TEX26: variants seen among roughly 807,000 people sequenced by gnomAD.
TEX26 encodes testis-expressed protein 26.
Under a neutral mutation model 35.3 loss-of-function variants are expected in TEX26, and 34 were observed. The observed-to-expected ratio is 0.96, with a 90% CI of 0.73 to 1.28. The LOEUF is 1.28. Ranked by LOEUF, TEX26 falls within the 50% of genes most tolerant of loss-of-function variation. TEX26 has a pLI of 0.00. For missense variants in TEX26, 371 were observed against 330.1 expected, an observed-to-expected ratio of 1.12 and a Z score of -0.96; for synonymous variants, 136 against 111.8, an observed-to-expected ratio of 1.22 and a Z score of -1.36.
chr13:30,964,731 A>G lies in TEX26; in HGVS notation c.470-1491A>G, dbSNP rs146792172. Among the ~76,000 whole-genome samples the G allele has an allele frequency of 4.7e-3, 722 of 152,332 alleles. 10 individuals are homozygous for G. Among genetic ancestry groups the G allele is most frequent in the African/African-American group, 0.016 (674 of 41,576 alleles). On this transcript the variant is annotated intron_variant, in intron 4 of 6. Transcript: ENST00000380473. ...CAAGAGCATAGTACTGGCACCTTGC[A>G]AGAGCCTTCTTGCAGCATCATCCCC...
intron 5 of TEX26, among the ~76,000 whole-genome samples, chr13:30,967,797 G>A (rs1395876345): frequency 6.6e-6 from 1 of 152,190 alleles, no homozygotes; most frequent in African/African-American, 2.4e-5. Context: ...CATTAAATGA[G>A]CAATATTCAT....
Position 30,968,894 on chromosome 13 carries a change from T to C in TEX26, c.656T>C (p.Val219Ala). Reference sequence around the variant, plus strand: ...CTGTGTATTTCTATAGTGCCTTCTGTGCTGCACAGCTACCTGAGGAACCAA... The same window carrying C: ...CTGTGTATTTCTATAGTGCCTTCTGCGCTGCACAGCTACCTGAGGAACCAA... ...PVASQGLVPSVLHSYLRNQEH... is the reference protein window; with the variant it reads ...PVASQGLVPSALHSYLRNQEH... Residue 219 changes from valine (V) to alanine (A), a missense_variant, in exon 6 of 7, where the codon GTG becomes GCG. Coordinates refer to ENST00000380473, the MANE Select transcript of TEX26 (RefSeq NM_152325.3). The C allele has an allele frequency of 6.2e-7, 1 of 1,613,800 alleles. No homozygotes were observed. Among genetic ancestry groups the C allele is most frequent in the Non-Finnish European group, 8.5e-7 (1 of 1,179,836 alleles).
chr13:30,960,450 G>T (rs544330186), intron 4 of TEX26, among the ~76,000 whole-genome samples: 1 of 152,070 alleles, frequency 6.6e-6, no homozygotes, highest in African/African-American at 2.4e-5. Context: ...TCACCATGTT[G>T]CCCAGGCTGG....
At chr13:30,967,443 C>T (rs1339000703) in intron 5 of TEX26, among the ~76,000 whole-genome samples, 1 of 152,188 alleles carries the variant, frequency 6.6e-6, no homozygotes, top group African/African-American at 2.4e-5. Context: ...GTTGTAGCAG[C>T]TGTAATATTC....
At chr13:30,939,890 C>G in intron 2 of TEX26, 112 bp downstream of exon 2, 1 of 948,826 alleles carries the variant, frequency 1.1e-6, no homozygotes, top group Non-Finnish European at 1.6e-6. Flanking sequence ...CGTAAAAATG[C>G]TCTTGGATAC....
At chr13:30,969,180 A>AT in intron 6 of TEX26, 134 bp downstream of exon 6, 1 of 836,332 alleles carries the variant, frequency 1.2e-6, no homozygotes, top group Non-Finnish European at 1.8e-6. Context: ...AAAAAAAAAA[A>AT]CTCATAGTGT....
intron 2 of TEX26, among the ~76,000 whole-genome samples, chr13:30,951,321 A>C (rs1593564959): frequency 6.7e-6 from 1 of 149,678 alleles, no homozygotes; most frequent in Non-Finnish European, 1.5e-5. Flanking sequence ...GTACCACTGC[A>C]CTCCAGCCTA....
chr13:30,943,395 C>G (rs932540264), intron 2 of TEX26, among the ~76,000 whole-genome samples: 3 of 151,862 alleles, frequency 2.0e-5, no homozygotes, highest in African/African-American at 7.2e-5. Flanking sequence ...GGTATATGAT[C>G]ATATCATCAG....
At chr13:30,932,856 C>A in intron 1 of TEX26, 80 bp downstream of exon 1, 2 of 1,493,762 alleles carry the variant, frequency 1.3e-6, no homozygotes, top group Non-Finnish European at 9.1e-7. Context: ...GAAAAAGGGG[C>A]CTTAGTATTT....
At chr13:30,940,729 T>A (rs1953464431) in intron 2 of TEX26, among the ~76,000 whole-genome samples, 1 of 152,100 alleles carries the variant, frequency 6.6e-6, no homozygotes, top group African/African-American at 2.4e-5. Context: ...CCAGTGAGAA[T>A]CTTTTCACCT....
intron 6 of TEX26, among the ~76,000 whole-genome samples, chr13:30,974,132 ATATATATAT>A (rs1954806714): frequency 4.0e-5 from 1 of 24,954 alleles, no homozygotes. Flanking sequence ...AAAAAAAAAA[ATATATATAT>A]ATATATATAT....
In TEX26 at chr13:30,974,707, G is replaced by A. The variant is rs545737168; in HGVS notation, c.809-139G>A. 27 of 713,388 alleles carry A rather than the reference G, an allele frequency of 3.8e-5. No individual in the cohort carries two copies. In the African/African-American group the frequency reaches 5.0e-4, roughly 13 times the overall value. 44.2% of individuals were successfully genotyped at this position (713,388 alleles called of 1,614,324 possible). On this transcript the variant is annotated intron_variant, in intron 6 of 6. Transcript: ENST00000380473. The stretch of plus-strand genomic sequence containing the variant: ...GCCTGTTTAGGTATTAGGTATAATA[G>A]CCTGCTATTATTTTGGTCTTACCAA...
intron 4 of TEX26, among the ~76,000 whole-genome samples, chr13:30,965,515 A>C (rs1336245927): frequency 1.3e-5 from 2 of 152,230 alleles, no homozygotes; most frequent in Admixed American, 1.3e-4. Context: ...CTCTGAACTA[A>C]GGCTTTGTAG....
intron 3 of TEX26, among the ~76,000 whole-genome samples, chr13:30,956,351 T>C (rs1000076530): frequency 9.9e-5 from 15 of 152,012 alleles, no homozygotes; most frequent in Admixed American, 9.8e-4. Context: ...GAACTCATCA[T>C]TTTTTATGGC....
chr13:30,937,067 T>C, intron 1 of TEX26: 2 of 890,244 alleles, frequency 2.2e-6, no homozygotes, highest in Non-Finnish European at 1.3e-6. Context: ...AGATCAAGTG[T>C]GCATCCAAGC....
intron 5 of TEX26, 81 bp from the exon 6 acceptor site, chr13:30,968,804 G>T: frequency 7.2e-7 from 1 of 1,388,790 alleles, no homozygotes; most frequent in Non-Finnish European, 9.9e-7. Flanking sequence ...GGCTGTCAGG[G>T]TCATTTTCAA....
At chr13:30,967,587 C>T (rs1321904216) in intron 5 of TEX26, among the ~76,000 whole-genome samples, 3 of 152,172 alleles carry the variant, frequency 2.0e-5, no homozygotes, top group South Asian at 2.1e-4. Flanking sequence ...CCAGGCCCTA[C>T]AAACACTCTT....
chr13:30,932,667 G>C lies in TEX26; in HGVS notation c.-49G>C, dbSNP rs758360081. 6 of 1,596,096 alleles carry C rather than the reference G, an allele frequency of 3.8e-6. No homozygotes were observed. The highest frequency in any genetic ancestry group is 1.1e-5 in the South Asian group (1 of 88,528). ...ACAAAGCAGCCCGCGGCTCCCGCAA[G>C]CGCTGAGATAGCTGGAGCCAGGGCC... is the stretch of plus-strand genomic sequence containing the variant. On this transcript the variant is annotated 5_prime_UTR_variant, in exon 1 of 7. Transcript: ENST00000380473.
intron 5 of TEX26, among the ~76,000 whole-genome samples, chr13:30,967,957 A>G (rs919674090): frequency 2.6e-5 from 4 of 152,196 alleles, no homozygotes; most frequent in South Asian, 2.1e-4. Flanking sequence ...TTACTGTGCC[A>G]TCCCAAATGT....
Sources: gnomAD v4.1 joint callset for allele counts (sites outside exome capture counted in the v4.1 genomes callset) on GRCh38, gnomAD v4.1.1 for gene constraint, MANE v1.5 for transcripts, NCBI Gene and HGNC (gene_info 2026-07-23, HGNC 2026-07-21) for gene names.